The following NBEA variants were observed in gnomAD, a reference collection of about 807,000 sequenced individuals.
The protein encoded by NBEA is neurobeachin.
A neutral mutation model predicts 343.4 loss-of-function variants in NBEA; 44 were observed. The ratio of observed to expected loss-of-function variants is 0.13; its 90% CI spans 0.10 to 0.16. The LOEUF (loss-of-function observed/expected upper bound fraction) is 0.16. NBEA is among the 10% of genes least tolerant of loss of function. NBEA has a pLI of 1.00. For missense variants in NBEA, 2,555 were observed against 3,631.3 expected (o/e 0.70, Z 7.62); for synonymous variants, 1,175 against 1,238.7 (o/e 0.95, Z 1.08).
intron 45 of NBEA, among the ~76,000 whole-genome samples, chr13:35,569,106 A>C (rs1401342685): frequency 6.6e-6 from 1 of 152,188 alleles, no homozygotes; most frequent in African/African-American, 2.4e-5. Flanking sequence ...AGAGTGGTGA[A>C]TCATTGATAT....
intron 49 of NBEA, among the ~76,000 whole-genome samples, chr13:35,635,816 T>C (rs1487400017): frequency 1.3e-5 from 2 of 152,224 alleles, no homozygotes; most frequent in Non-Finnish European, 2.9e-5. Flanking sequence ...TAGGTCTATC[T>C]TACCTGCTCA....
rs116172528 is a variant in NBEA at position 35,019,990 on chromosome 13, A to G, written c.295-20943A>G. On this transcript the variant is annotated intron_variant, in intron 1 of 58. Coordinates refer to ENST00000379939, the MANE Select transcript of NBEA (RefSeq NM_001385012.1). ...CATTTGATTTCACCAGTATTGTTTT[A>G]TTGGGTTTTGTATCTTTGTTTTTTT... Among the ~76,000 whole-genome samples the G allele has an allele frequency of 4.8e-3, 737 of 152,030 alleles. 6 individuals are homozygous for G. Among genetic ancestry groups the G allele is most frequent in the African/African-American group, 0.017 (691 of 41,488 alleles).
At chr13:35,146,836 A>G (rs2068458887) in intron 18 of NBEA, among the ~76,000 whole-genome samples, 1 of 152,110 alleles carries the variant, frequency 6.6e-6, no homozygotes, top group Admixed American at 6.5e-5. Flanking sequence ...ATTATTGAAT[A>G]CCACAAAAGC....
chr13:35,485,085 G>T (rs1204493463), intron 41 of NBEA, among the ~76,000 whole-genome samples: 2 of 151,944 alleles, frequency 1.3e-5, no homozygotes, highest in Non-Finnish European at 2.9e-5. Context: ...TTGAACTTTT[G>T]CCAAGGAATA....
chr13:34,995,267 A>G (rs950651714), intron 1 of NBEA, among the ~76,000 whole-genome samples: 2 of 152,114 alleles, frequency 1.3e-5, no homozygotes, highest in African/African-American at 4.8e-5. Context: ...AGCCTGCCCA[A>G]CATGGTGAAA....
chr13:35,402,366 C>A (rs2043040361), intron 38 of NBEA, among the ~76,000 whole-genome samples: 1 of 151,966 alleles, frequency 6.6e-6, no homozygotes, highest in South Asian at 2.1e-4. Flanking sequence ...AAATATTTAT[C>A]CACATTAATG....
chr13:35,517,244 A>T (rs2077519502), intron 41 of NBEA, among the ~76,000 whole-genome samples: 1 of 151,996 alleles, frequency 6.6e-6, no homozygotes, highest in Non-Finnish European at 1.5e-5. Context: ...ATATTCTCCC[A>T]TCCCCAAAGG....
In NBEA at chr13:35,121,721, A is replaced by G. The variant is rs906485495; in HGVS notation, c.2244-1761A>G. Among the ~76,000 whole-genome samples the G allele has an allele frequency of 3.4e-4, 51 of 152,170 alleles. 1 individual carries two copies. Among genetic ancestry groups the G allele is most frequent in the Non-Finnish European group, 1.2e-4 (8 of 68,024 alleles). On this transcript the variant is annotated intron_variant, in intron 16 of 58. Transcript: ENST00000379939. ...AAGAGAAAAAGAAGCAGTATCAATA[A>G]CATCTTTTCTTTTTTAATAGTATAA...
At chr13:35,017,450 A>T (rs1473332570) in intron 1 of NBEA, among the ~76,000 whole-genome samples, 1 of 152,146 alleles carries the variant, frequency 6.6e-6, no homozygotes. Flanking sequence ...TGAAAGGTCC[A>T]GTTGTTTTAC....
At chr13:35,099,275 T>C (rs973536657) in intron 11 of NBEA, among the ~76,000 whole-genome samples, 3 of 144,642 alleles carry the variant, frequency 2.1e-5, no homozygotes, top group African/African-American at 7.6e-5. Context: ...CTCGGCTCAC[T>C]GCAAGCTCCG....
intron 44 of NBEA, among the ~76,000 whole-genome samples, chr13:35,561,018 A>G (rs2079834314): frequency 6.6e-6 from 1 of 152,146 alleles, no homozygotes. Context: ...TCCCCATTTG[A>G]TGCTGATGCC....
intron 43 of NBEA, among the ~76,000 whole-genome samples, chr13:35,551,393 A>G (rs944375023): frequency 1.3e-5 from 2 of 152,202 alleles, no homozygotes; most frequent in African/African-American, 4.8e-5. Flanking sequence ...TAATGTTTTT[A>G]TAAATGCCAT....
intron 35 of NBEA, among the ~76,000 whole-genome samples, chr13:35,292,546 A>ACAATTTG: frequency 6.6e-6 from 1 of 152,120 alleles, no homozygotes; most frequent in East Asian, 1.9e-4. Context: ...GTGCCAAGGC[A>ACAATTTG]GTAGGTAATC....
At chr13:35,473,806 C>T (rs1465461626) in intron 41 of NBEA, among the ~76,000 whole-genome samples, 6 of 152,150 alleles carry the variant, frequency 3.9e-5, no homozygotes, top group African/African-American at 1.4e-4. Context: ...CAGAAAGGAT[C>T]GTTTTATTAG....
intron 44 of NBEA, among the ~76,000 whole-genome samples, chr13:35,559,004 A>T (rs1490109232): frequency 1.3e-5 from 2 of 152,216 alleles, no homozygotes; most frequent in Non-Finnish European, 2.9e-5. Flanking sequence ...AATTGAAAAA[A>T]ATTATGAATA....
intron 34 of NBEA, among the ~76,000 whole-genome samples, chr13:35,243,700 T>C (rs1158287048): frequency 6.6e-6 from 1 of 151,774 alleles, no homozygotes; most frequent in African/African-American, 2.4e-5. Flanking sequence ...ACAAAGAAAA[T>C]GTAACAACTA....
chr13:35,139,772 T>TTTA (rs1555316291), intron 17 of NBEA, among the ~76,000 whole-genome samples: 4 of 142,794 alleles, frequency 2.8e-5, no homozygotes, highest in East Asian at 3.9e-4. Flanking sequence ...TTTTTTTTTT[T>TTTA]ATCTCTTGAC....
At chr13:35,429,604 T>G (rs915945215) in intron 38 of NBEA, among the ~76,000 whole-genome samples, 4 of 152,128 alleles carry the variant, frequency 2.6e-5, no homozygotes, top group African/African-American at 9.7e-5. Flanking sequence ...TTTTCTCACC[T>G]TTCAGAGTCT....
intron 31 of NBEA, among the ~76,000 whole-genome samples, chr13:35,197,540 T>A (rs1352786153): frequency 6.6e-6 from 1 of 151,900 alleles, no homozygotes; most frequent in Non-Finnish European, 1.5e-5. Flanking sequence ...GTTTTTGAGA[T>A]GGAGTCTCAC....
Sources: allele counts gnomAD v4.1 joint callset (sites outside exome capture counted in the v4.1 genomes callset), GRCh38; gene constraint gnomAD v4.1.1; transcripts MANE v1.5; gene names NCBI Gene and HGNC (gene_info 2026-07-23, HGNC 2026-07-21).